Variants in TACR1 observed in about 807,000 individuals in gnomAD.
TACR1 encodes the protein substance-P receptor.
In TACR1, 25 loss-of-function variants were observed where a neutral mutation model predicts 35.8. That is an observed-to-expected ratio of 0.70 (90% confidence interval 0.51 to 0.98). The LOEUF (loss-of-function observed/expected upper bound fraction) is 0.98. Among genes scored for constraint, TACR1 ranks in the 50% least tolerant of loss-of-function variants. The probability of loss-of-function intolerance (pLI) is 0.00; values close to 1 mark genes in which losing one functional copy is unlikely to be tolerated. For synonymous variants in TACR1, 195 were observed against 206.7 expected, an observed-to-expected ratio of 0.94 and a Z score of 0.48; for missense variants, 478 against 522.9, an observed-to-expected ratio of 0.91 and a Z score of 0.84.
chr2:75,137,100 C>T (rs1170708201), intron 1 of TACR1, among the ~76,000 whole-genome samples: 1 of 152,098 alleles, frequency 6.6e-6, no homozygotes, highest in African/African-American at 2.4e-5. Context: ...ATGAGTGTTC[C>T]TTGTATACTC....
intron 2 of TACR1, among the ~76,000 whole-genome samples, chr2:75,099,151 C>T (rs1295939319): frequency 6.6e-6 from 1 of 152,138 alleles, no homozygotes; most frequent in Non-Finnish European, 1.5e-5. Context: ...GGCTCGGAGC[C>T]TCCCTCACTA....
chr2:75,069,320 C>G (rs74437414), intron 2 of TACR1, among the ~76,000 whole-genome samples: 7 of 88,316 alleles, frequency 7.9e-5, no homozygotes, highest in African/African-American at 2.1e-4. Context: ...ATATGTATAT[C>G]TATATCTATA....
intron 1 of TACR1, among the ~76,000 whole-genome samples, chr2:75,151,236 C>T (rs1474753116): frequency 6.6e-6 from 1 of 152,230 alleles, no homozygotes; most frequent in Non-Finnish European, 1.5e-5. Flanking sequence ...TAATGTTAAT[C>T]CCCAAGACCA....
chr2:75,103,317 A>G (rs377512297), intron 2 of TACR1, among the ~76,000 whole-genome samples: 69 of 152,228 alleles, frequency 4.5e-4, no homozygotes, highest in African/African-American at 1.5e-3. Context: ...AAAGTCCTCA[A>G]AACACACGAC....
intron 2 of TACR1, among the ~76,000 whole-genome samples, chr2:75,119,287 A>G (rs1475038993): frequency 1.3e-5 from 2 of 152,326 alleles, no homozygotes; most frequent in Non-Finnish European, 2.9e-5. Context: ...TCTTCACAAG[A>G]ATTGTTTATA....
At chr2:75,104,004 T>A (rs186826048) in intron 2 of TACR1, among the ~76,000 whole-genome samples, 1 of 152,032 alleles carries the variant, frequency 6.6e-6, no homozygotes, top group Non-Finnish European at 1.5e-5. Context: ...CAACAAAGAA[T>A]CTACAAAACA....
At chr2:75,105,974 G>A (rs1298186979) in intron 2 of TACR1, among the ~76,000 whole-genome samples, 1 of 151,926 alleles carries the variant, frequency 6.6e-6, no homozygotes, top group African/African-American at 2.4e-5. Context: ...ACAGGAAAAA[G>A]ACACTAAAGA....
intron 2 of TACR1, among the ~76,000 whole-genome samples, chr2:75,084,110 T>C (rs1673144647): frequency 6.6e-6 from 1 of 152,234 alleles, no homozygotes; most frequent in African/African-American, 2.4e-5. Context: ...CATCAATACC[T>C]AATTTATTGA....
In TACR1 at chr2:75,164,933, C is replaced by T. The variant is rs1378215767; in HGVS notation, c.389+33613G>A. Reference sequence around the variant, plus strand: ...CAAAGTCAAGGCATGAAGTTGGATCCATGACCATGTGACACTGAACTTGTC... The same window carrying T: ...CAAAGTCAAGGCATGAAGTTGGATCTATGACCATGTGACACTGAACTTGTC... On this transcript the variant is annotated intron_variant, in intron 1 of 4. Coordinates refer to ENST00000305249, the MANE Select transcript of TACR1 (RefSeq NM_001058.4). Among the ~76,000 whole-genome samples the T allele has an allele frequency of 2.6e-5, 4 of 152,288 alleles. No homozygotes were observed. The East Asian group carries it at 5.8e-4, about 22-fold the overall frequency.
rs368883673 is a variant in TACR1 at position 75,168,271 on chromosome 2, C to T, written c.389+30275G>A. Among the ~76,000 whole-genome samples, 13 of 152,132 alleles carry T rather than the reference C, an allele frequency of 8.5e-5. No homozygotes were observed. The South Asian group carries it at 2.7e-3, about 32-fold the overall frequency. ...ACTCCCAAAAGTTTAAACTCTAATC[C>T]CAGGAGTCTGTGATTATGTTACCTG... On this transcript the variant is annotated intron_variant, in intron 1 of 4. Coordinates refer to ENST00000305249, the MANE Select transcript of TACR1 (RefSeq NM_001058.4).
intron 2 of TACR1, among the ~76,000 whole-genome samples, chr2:75,095,602 G>A (rs904418905): frequency 6.6e-6 from 1 of 152,180 alleles, no homozygotes; most frequent in African/African-American, 2.4e-5. Context: ...TGTCAAAGTA[G>A]GAAAGGCCTT....
intron 1 of TACR1, among the ~76,000 whole-genome samples, chr2:75,132,222 A>C (rs1235879178): frequency 1.3e-5 from 2 of 152,152 alleles, no homozygotes; most frequent in African/African-American, 4.8e-5. Flanking sequence ...ATAGTGATTA[A>C]ATTTGGCAAA....
chr2:75,059,812 G>A (rs541659265), intron 2 of TACR1, among the ~76,000 whole-genome samples: 5 of 152,248 alleles, frequency 3.3e-5, no homozygotes, highest in South Asian at 2.1e-4. Flanking sequence ...GAGCAGCCTC[G>A]TTCCTCCTGC....
intron 2 of TACR1, among the ~76,000 whole-genome samples, chr2:75,057,734 A>G (rs926618171): frequency 6.6e-6 from 1 of 152,174 alleles, no homozygotes; most frequent in Non-Finnish European, 1.5e-5. Flanking sequence ...AAAGATGTGG[A>G]TAACTTTGTT....
At chr2:75,073,713 GAGA>G (rs1672924685) in intron 2 of TACR1, among the ~76,000 whole-genome samples, 1 of 152,188 alleles carries the variant, frequency 6.6e-6, no homozygotes, top group Non-Finnish European at 1.5e-5. Flanking sequence ...ACCAGGCACA[GAGA>G]AGAAAATCCT....
intron 2 of TACR1, among the ~76,000 whole-genome samples, chr2:75,080,593 A>T (rs1480655154): frequency 1.3e-5 from 2 of 152,156 alleles, no homozygotes; most frequent in Non-Finnish European, 2.9e-5. Context: ...TTTAGGGGGA[A>T]ATCACCTAAC....
chr2:75,184,180 G>C (rs1389844488), intron 1 of TACR1, among the ~76,000 whole-genome samples: 1 of 152,134 alleles, frequency 6.6e-6, no homozygotes. Context: ...AGGAGTTCTA[G>C]AACAGTTGAA....
Position 75,048,175 on chromosome 2 carries a change from ATGCCCTCTTCCCAGAAGTGCAGC to A in TACR1, c.*1234_*1256del, listed in dbSNP as rs775218683. ...AGAGAGTCTGAAGGGAAGATGCAAG[ATGCCCTCTTCCCAGAAGTGCAGC>A]TGCAAAGTGCAGCCTTCTTGCTTGT... is the stretch of plus-strand genomic sequence containing the variant. On this transcript the variant is annotated 3_prime_UTR_variant, in exon 5 of 5. Coordinates refer to ENST00000305249, the MANE Select transcript of TACR1 (RefSeq NM_001058.4). 6 of 152,236 alleles carry A rather than the reference ATGCCCTCTTCCCAGAAGTGCAGC, an allele frequency of 3.9e-5. No individual in the cohort carries two copies. The highest frequency in any genetic ancestry group is 7.3e-5 in the Non-Finnish European group (5 of 68,056). 9.4% of individuals were successfully genotyped at this position (152,236 alleles called of 1,614,324 possible).
At position 75,154,401 on chromosome 2, in the gene TACR1, AGCGCGCAC is replaced by A. The variant is rs1674757897; in HGVS notation, c.390-33641_390-33634del. ...TGGCCCAGGGAGATAATCAGCCAAGAGCGCGCACGCACACACACACACACACACACACA... is the reference window on the plus strand; with the variant it reads ...TGGCCCAGGGAGATAATCAGCCAAGAGCACACACACACACACACACACACA... On this transcript the variant is annotated intron_variant, in intron 1 of 4. Coordinates refer to ENST00000305249, the MANE Select transcript of TACR1 (RefSeq NM_001058.4). 5 of 76,442 alleles carry A rather than the reference AGCGCGCAC, an allele frequency of 6.5e-5. 1 individual carries two copies. The highest frequency in any genetic ancestry group is 1.2e-4 in the African/African-American group (2 of 17,280). 4.7% of individuals were successfully genotyped at this position (76,442 alleles called of 1,614,324 possible). A position where few individuals can be genotyped will look rare whatever the true frequency, so the allele number is the denominator to read the frequency against.
Sources: allele counts gnomAD v4.1 joint callset (sites outside exome capture counted in the v4.1 genomes callset), GRCh38; gene constraint gnomAD v4.1.1; transcripts MANE v1.5; gene names NCBI Gene and HGNC (gene_info 2026-07-23, HGNC 2026-07-21).